Variants in TRHDE observed in about 807,000 individuals in gnomAD.
TRHDE encodes the protein thyrotropin-releasing hormone-degrading ectoenzyme.
A neutral mutation model predicts 125.7 loss-of-function variants in TRHDE; 72 were observed. That is an observed-to-expected ratio of 0.57 (90% CI 0.47 to 0.70). The LOEUF is 0.70. TRHDE is among the 30% of genes least tolerant of loss of function. The pLI is 0.00. For synonymous variants in TRHDE, 509 were observed against 509.1 expected, an observed-to-expected ratio of 1.00 and a Z score of 0.00; for missense variants, 1,110 against 1,327.1, an observed-to-expected ratio of 0.84 and a Z score of 2.54.
At chr12:72,642,193 T>C (rs1322333878) in intron 15 of TRHDE, among the ~76,000 whole-genome samples, 1 of 152,224 alleles carries the variant, frequency 6.6e-6, no homozygotes, top group African/African-American at 2.4e-5. Context: ...TACTTTGTCA[T>C]AGCTGTTCAG....
intron 2 of TRHDE, among the ~76,000 whole-genome samples, chr12:72,214,786 T>C (rs1238117932): frequency 6.6e-6 from 1 of 152,230 alleles, no homozygotes; most frequent in East Asian, 1.9e-4. Context: ...TATTTAATTA[T>C]ACTTTTTCTC....
chr12:72,289,481 A>G (rs1476526098), intron 2 of TRHDE, among the ~76,000 whole-genome samples: 1 of 152,192 alleles, frequency 6.6e-6, no homozygotes, highest in African/African-American at 2.4e-5. Flanking sequence ...CATCCCCAAA[A>G]TGGCTTAACA....
At chr12:72,162,829 G>A (rs771020550) in intron 2 of TRHDE, 9 of 151,924 alleles carry the variant, frequency 5.9e-5, no homozygotes. Context: ...TTGAAGGCAA[G>A]GATTTGGAAG....
chr12:72,501,267 G>T (rs1293307809), intron 6 of TRHDE, among the ~76,000 whole-genome samples: 1 of 151,994 alleles, frequency 6.6e-6, no homozygotes, highest in Non-Finnish European at 1.5e-5. Context: ...CCCTTGTGCT[G>T]TTCCTAATTT....
chr12:72,472,687 G>T (rs142578826), intron 4 of TRHDE, among the ~76,000 whole-genome samples: 1 of 152,074 alleles, frequency 6.6e-6, no homozygotes, highest in African/African-American at 2.4e-5. Flanking sequence ...GCTAATTTCC[G>T]TTCATTAGTC....
chr12:72,219,428 A>C (rs1431523201), intron 2 of TRHDE, among the ~76,000 whole-genome samples: 1 of 152,052 alleles, frequency 6.6e-6, no homozygotes, highest in African/African-American at 2.4e-5. Flanking sequence ...CATTTTTTCA[A>C]CTTGATCACC....
rs113201751 is a variant in TRHDE at position 72,168,023 on chromosome 12, A to T, written n.279+62271A>T. 2.9e-3 allele frequency among the ~76,000 whole-genome samples: 440 copies of T among 152,278 alleles called. 4 individuals carry two copies. Among genetic ancestry groups the T allele is most frequent in the African/African-American group, 9.9e-3 (412 of 41,552 alleles). ...TTATGAAGGGAGAAACAGAGAGAGGAGTATGGCTACAACACTAGTCATTGT... is the reference window on the plus strand; with the variant it reads ...TTATGAAGGGAGAAACAGAGAGAGGTGTATGGCTACAACACTAGTCATTGT... On this transcript the variant is annotated intron_variant and non_coding_transcript_variant, in intron 2 of 4. Transcript: ENST00000548156.
intron 2 of TRHDE, among the ~76,000 whole-genome samples, chr12:72,243,679 G>C (rs539401235): frequency 6.6e-6 from 1 of 152,234 alleles, no homozygotes; most frequent in South Asian, 2.1e-4. Flanking sequence ...CACTGCTTTT[G>C]AGAATTCCCC....
rs1455887079 is a variant in TRHDE, at chr12:72,542,307, G to A, written c.1739G>A (p.Arg580Lys). ...TTCCTATAGGGTGCTGCTTTAATAA[G>A]AATGCTGGCTAATTTTATGGGCCAT... ...IAYKKGAALIRMLANFMGHSV... is the reference protein window; with the variant it reads ...IAYKKGAALIKMLANFMGHSV... Residue 580 changes from arginine (R) to lysine (K), a missense_variant, in exon 7 of 19, where the codon AGA (arginine) becomes AAA (lysine). Physicochemically the swap from Arg to Lys is conservative, Grantham distance 26. Coordinates refer to ENST00000261180, the MANE Select transcript of TRHDE (RefSeq NM_013381.3). 4 of 1,603,820 alleles carry A rather than the reference G, an allele frequency of 2.5e-6. No individual in the cohort carries two copies. The highest frequency in any genetic ancestry group is 1.7e-5 in the Admixed American group (1 of 59,474).
intron 15 of TRHDE, among the ~76,000 whole-genome samples, chr12:72,650,016 T>C (rs927302222): frequency 7.9e-5 from 12 of 152,160 alleles, no homozygotes; most frequent in African/African-American, 2.9e-4. Flanking sequence ...TAATCCAGCA[T>C]CCCATTTGTA....
intron 2 of TRHDE, among the ~76,000 whole-genome samples, chr12:72,175,935 G>T (rs1876978675): frequency 6.6e-6 from 1 of 152,204 alleles, no homozygotes; most frequent in Non-Finnish European, 1.5e-5. Flanking sequence ...TAGCATATCA[G>T]TTGTTTTATA....
At chr12:72,533,099 G>GT (rs2135977121) in intron 6 of TRHDE, among the ~76,000 whole-genome samples, 1 of 151,764 alleles carries the variant, frequency 6.6e-6, no homozygotes, top group African/African-American at 2.4e-5. Flanking sequence ...TGTGTTTGTT[G>GT]TTGTTTGTTT....
intron 2 of TRHDE, among the ~76,000 whole-genome samples, chr12:72,119,026 T>G (rs1875515229): frequency 6.6e-6 from 1 of 152,080 alleles, no homozygotes; most frequent in African/African-American, 2.4e-5. Context: ...ATTGTTTTAC[T>G]CATTTCAATT....
chr12:72,223,001 C>T (rs970442797), intron 2 of TRHDE, among the ~76,000 whole-genome samples: 2 of 152,142 alleles, frequency 1.3e-5, no homozygotes, highest in Middle Eastern at 3.4e-3. Context: ...TAACCTAAGA[C>T]AAGTTCTATT....
intron 2 of TRHDE, among the ~76,000 whole-genome samples, chr12:72,123,757 C>T (rs2139302997): frequency 6.6e-6 from 1 of 151,926 alleles, no homozygotes; most frequent in East Asian, 1.9e-4. Flanking sequence ...TATATATATC[C>T]ATGAAACTGC....
chr12:72,477,616 A>C (rs537662639), intron 5 of TRHDE, among the ~76,000 whole-genome samples: 6 of 152,352 alleles, frequency 3.9e-5, no homozygotes, highest in African/African-American at 1.4e-4. Context: ...CAATCATATT[A>C]AATCTTATTG....
intron 6 of TRHDE, among the ~76,000 whole-genome samples, chr12:72,501,094 T>C (rs1207116110): frequency 1.3e-5 from 2 of 152,038 alleles, no homozygotes; most frequent in Admixed American, 1.3e-4. Context: ...ACATTTTTCA[T>C]ATTTTTTTTC....
intron 1 of TRHDE, among the ~76,000 whole-genome samples, chr12:72,281,391 TC>T (rs1173287570): frequency 2.0e-5 from 3 of 152,212 alleles, no homozygotes; most frequent in Non-Finnish European, 4.4e-5. Flanking sequence ...ACGTGTAACT[TC>T]CATGACCTTG....
chr12:72,330,585 A>C (rs1051534844), intron 2 of TRHDE, among the ~76,000 whole-genome samples: 12 of 152,216 alleles, frequency 7.9e-5, no homozygotes, highest in African/African-American at 2.4e-4. Flanking sequence ...TAAGCAATTA[A>C]ATAGTTTGTG....
Sources: gnomAD v4.1 joint callset for allele counts (sites outside exome capture counted in the v4.1 genomes callset) on GRCh38, gnomAD v4.1.1 for gene constraint, MANE v1.5 for transcripts, NCBI Gene and HGNC (gene_info 2026-07-23, HGNC 2026-07-21) for gene names.